CDH13: variants seen among roughly 807,000 people sequenced by gnomAD.
CDH13 encodes cadherin 13, also known as cadherin-13.
In CDH13, 24 loss-of-function variants were observed where a neutral mutation model predicts 63.8. That is an observed-to-expected ratio of 0.38 (90% CI 0.27 to 0.53). The LOEUF is 0.53. CDH13 is among the 20% of genes least tolerant of loss of function. The pLI is 0.85. For synonymous variants in CDH13, 503 were observed against 355.3 expected, an observed-to-expected ratio of 1.42 and a Z score of -4.67; for missense variants, 1,049 against 903.1, an observed-to-expected ratio of 1.16 and a Z score of -2.07.
chr16:83,031,783 C>T (rs1916376443), intron 2 of CDH13, among the ~76,000 whole-genome samples: 2 of 152,142 alleles, frequency 1.3e-5, no homozygotes, highest in African/African-American at 4.8e-5. Flanking sequence ...CAGAGCTTAG[C>T]ACCTGCCTGG....
At chr16:82,850,695 G>A (rs1599539) in intron 1 of CDH13, among the ~76,000 whole-genome samples, 56,177 of 151,982 alleles carry the variant, frequency 0.37, 11,367 homozygotes, top group East Asian at 0.83. Flanking sequence ...GGCAAACCTC[G>A]TTGTTTTCTT....
chr16:83,447,096 C>CTTTTTTT lies in CDH13; in HGVS notation c.782-39357_782-39351dup, dbSNP rs750432481. On this transcript the variant is annotated intron_variant, in intron 6 of 13. Transcript: ENST00000567109. Reference sequence around the variant, plus strand: ...AAAACAAAAAACACCTTATAGTAACCTTTTTTTTTTTTTTTTTTTTTTTTT... The same window carrying CTTTTTTT: ...AAAACAAAAAACACCTTATAGTAACCTTTTTTTTTTTTTTTTTTTTTTTTTTTTTTTT... Among the ~76,000 whole-genome samples the CTTTTTTT allele has an allele frequency of 1.2e-3, 50 of 41,496 alleles. 4 individuals are homozygous for CTTTTTTT. Among genetic ancestry groups the CTTTTTTT allele is most frequent in the African/African-American group, 2.0e-3 (24 of 11,736 alleles). 27.2% of individuals were successfully genotyped at this position (41,496 alleles called of 152,430 possible).
chr16:82,818,053 A>G (rs924838640), intron 1 of CDH13, among the ~76,000 whole-genome samples: 4 of 152,148 alleles, frequency 2.6e-5, no homozygotes, highest in African/African-American at 9.7e-5. Context: ...GCATACATAC[A>G]TGACTATACG....
intron 2 of CDH13, among the ~76,000 whole-genome samples, chr16:82,898,005 C>G (rs1329041969): frequency 1.3e-5 from 2 of 152,138 alleles, no homozygotes; most frequent in African/African-American, 4.8e-5. Flanking sequence ...CTATTGAGCA[C>G]TTGAAATACA....
intron 7 of CDH13, 113 bp from the exon 8 acceptor site, chr16:83,602,341 C>G (rs1907926659): frequency 3.0e-6 from 3 of 1,004,214 alleles, no homozygotes; most frequent in South Asian, 1.3e-5. Context: ...TTAAAGATGC[C>G]TACCCTAGAT....
intron 6 of CDH13, among the ~76,000 whole-genome samples, chr16:83,465,956 C>G (rs1188191552): frequency 2.6e-5 from 4 of 152,236 alleles, no homozygotes; most frequent in African/African-American, 9.6e-5. Flanking sequence ...CAGAGGCGAT[C>G]TGATGTTTTC....
At chr16:83,693,452 T>C (rs1476241575) in intron 10 of CDH13, among the ~76,000 whole-genome samples, 2 of 152,250 alleles carry the variant, frequency 1.3e-5, no homozygotes, top group South Asian at 2.1e-4. Context: ...TTGGTTTTCA[T>C]GCCTTGTGGA....
chr16:83,610,694 A>C (rs1908780279), intron 8 of CDH13, among the ~76,000 whole-genome samples: 1 of 152,188 alleles, frequency 6.6e-6, no homozygotes, highest in Non-Finnish European at 1.5e-5. Context: ...AATATATTTC[A>C]GTTTACTCCT....
chr16:83,485,223 C>T (rs1325691011), intron 6 of CDH13, among the ~76,000 whole-genome samples: 1 of 152,210 alleles, frequency 6.6e-6, no homozygotes, highest in Non-Finnish European at 1.5e-5. Flanking sequence ...AATTTATTTG[C>T]ACAGATCCCT....
chr16:83,315,330 C>G (rs2090083439), intron 5 of CDH13, among the ~76,000 whole-genome samples: 1 of 152,178 alleles, frequency 6.6e-6, no homozygotes, highest in African/African-American at 2.4e-5. Flanking sequence ...GTTAATTCCA[C>G]TAAACTCTGA....
At chr16:83,744,656 G>A (rs977498408) in intron 10 of CDH13, among the ~76,000 whole-genome samples, 1 of 152,168 alleles carries the variant, frequency 6.6e-6, no homozygotes, top group Non-Finnish European at 1.5e-5. Context: ...TGACCCCAGT[G>A]AGCCATTAAC....
At chr16:82,848,608 T>G (rs577530252) in intron 1 of CDH13, among the ~76,000 whole-genome samples, 1 of 151,922 alleles carries the variant, frequency 6.6e-6, no homozygotes, top group East Asian at 1.9e-4. Flanking sequence ...CCACAAACTG[T>G]GCCCATATAA....
intron 4 of CDH13, among the ~76,000 whole-genome samples, chr16:83,192,394 T>C (rs559329573): frequency 1.6e-4 from 24 of 152,248 alleles, no homozygotes; most frequent in African/African-American, 5.3e-4. Flanking sequence ...CCGTTCAGAG[T>C]TGTGGCCTTT....
chr16:82,842,685 A>C (rs1232975731), intron 1 of CDH13, among the ~76,000 whole-genome samples: 1 of 151,530 alleles, frequency 6.6e-6, no homozygotes, highest in Non-Finnish European at 1.5e-5. Context: ...ATTCAAGCAC[A>C]TTACATTTAT....
At chr16:83,709,927 A>C (rs1405129092) in intron 10 of CDH13, among the ~76,000 whole-genome samples, 4 of 152,236 alleles carry the variant, frequency 2.6e-5, no homozygotes, top group African/African-American at 9.6e-5. Context: ...AGAGATATTT[A>C]AGAAACATTA....
chr16:83,372,044 C>T (rs140625792), intron 6 of CDH13, among the ~76,000 whole-genome samples: 1 of 152,178 alleles, frequency 6.6e-6, no homozygotes, highest in Non-Finnish European at 1.5e-5. Flanking sequence ...TCACGAGATG[C>T]TTCCTGATTT....
At chr16:83,656,985 C>G (rs1282939645) in intron 8 of CDH13, among the ~76,000 whole-genome samples, 1 of 152,126 alleles carries the variant, frequency 6.6e-6, no homozygotes, top group Admixed American at 6.5e-5. Flanking sequence ...AGGCTGATGC[C>G]AACATTTATG....
At chr16:83,269,839 T>C (rs2088747134) in intron 5 of CDH13, among the ~76,000 whole-genome samples, 1 of 152,218 alleles carries the variant, frequency 6.6e-6, no homozygotes, top group South Asian at 2.1e-4. Flanking sequence ...TAATCCCTTC[T>C]GCACTTTGGG....
intron 7 of CDH13, among the ~76,000 whole-genome samples, chr16:83,525,989 G>T (rs2074950678): frequency 6.6e-6 from 1 of 152,176 alleles, no homozygotes. Context: ...AGCCCTTCCA[G>T]TAGCTAGATG....
Sources: gnomAD v4.1 joint callset for allele counts (sites outside exome capture counted in the v4.1 genomes callset) on GRCh38, gnomAD v4.1.1 for gene constraint, MANE v1.5 for transcripts, NCBI Gene and HGNC (gene_info 2026-07-23, HGNC 2026-07-21) for gene names.